The following TRPV5 variants were observed in gnomAD, a reference collection of about 807,000 sequenced individuals.
The protein encoded by TRPV5 is calcium transport protein 2.
TRPV5 carries 66 observed loss-of-function variants against 74.1 expected under a neutral mutation model. The observed-to-expected ratio is 0.89, with a 90% CI of 0.73 to 1.09. The LOEUF (loss-of-function observed/expected upper bound fraction) is 1.09, where lower values mean the gene tolerates loss of function less well. Ranked by LOEUF, TRPV5 falls within the 50% of genes least tolerant of loss-of-function variation. TRPV5 has a pLI of 0.00. For missense variants in TRPV5, 936 were observed against 930.4 expected, an observed-to-expected ratio of 1.01 and a Z score of -0.08; for synonymous variants, 399 against 360.7, an observed-to-expected ratio of 1.11 and a Z score of -1.20.
Position 142,915,288 on chromosome 7 carries a change from G to T in TRPV5, c.1286+19C>A. On this transcript the variant is annotated intron_variant, in intron 10 of 14. Transcript: ENST00000265310. The stretch of plus-strand genomic sequence containing the variant: ...TTCTGGTAAGGAAAGGCAGGGGGCT[G>T]GAATGAGGGGATACTCACATGATGA... 6.2e-7 allele frequency: 1 copy of T among 1,608,550 alleles called. No homozygotes were observed. Among genetic ancestry groups the T allele is most frequent in the South Asian group, 1.1e-5 (1 of 90,304 alleles).
chr7:142,911,850 G>C (rs1053860604), intron 13 of TRPV5, among the ~76,000 whole-genome samples: 3 of 152,188 alleles, frequency 2.0e-5, no homozygotes, highest in Non-Finnish European at 4.4e-5. Flanking sequence ...GAGAGGGAAA[G>C]ACTGGCGCCA....
chr7:142,914,915 T>G lies in TRPV5; in HGVS notation c.1418A>C (p.Gln473Pro). 6.2e-7 allele frequency: 1 copy of G among 1,614,092 alleles called. No individual in the cohort carries two copies. The highest frequency in any genetic ancestry group is 8.5e-7 in the Non-Finnish European group (1 of 1,180,032). The change falls in exon 11 of 15, where the codon CAG (glutamine) becomes CCG (proline). Residue 473 changes from glutamine to proline, a missense_variant. By Grantham distance (76) the Gln-to-Pro change is moderately conservative. Coordinates refer to ENST00000265310, the MANE Select transcript of TRPV5 (RefSeq NM_019841.7). ...CSVMYFTRGF[Q>P]MLGPFTIMIQ... ...CATGATGGTGAAGGGACCCAGCATC[T>G]GGAATCCTCGAGTGAAATACATGAC...
At chr7:142,908,902 G>A (rs1795661262) in intron 14 of TRPV5, 94 bp from the exon 15 acceptor site, 4 of 1,303,558 alleles carry the variant, frequency 3.1e-6, no homozygotes, top group Non-Finnish European at 4.2e-6. Context: ...GGGTCAAGAG[G>A]GAAGCAGAAA....
chr7:142,921,364 C>T (rs975274765), intron 8 of TRPV5, among the ~76,000 whole-genome samples: 1 of 152,176 alleles, frequency 6.6e-6, no homozygotes, highest in Non-Finnish European at 1.5e-5. Context: ...TCACTGCAAC[C>T]TCTGACTCCC....
intron 14 of TRPV5, 36 bp from the exon 15 acceptor site, chr7:142,908,844 T>C (rs921857531): frequency 6.3e-7 from 1 of 1,585,618 alleles, no homozygotes; most frequent in African/African-American, 1.3e-5. Flanking sequence ...TCAATCCAGG[T>C]GGGGAGACAT....
intron 12 of TRPV5, among the ~76,000 whole-genome samples, chr7:142,913,179 A>G (rs889838326): frequency 6.6e-6 from 1 of 152,242 alleles, no homozygotes; most frequent in Non-Finnish European, 1.5e-5. Flanking sequence ...TGAACAGGCT[A>G]AAAGAAGAGC....
intron 7 of TRPV5, among the ~76,000 whole-genome samples, chr7:142,927,452 G>C (rs1796007100): frequency 6.6e-6 from 1 of 152,122 alleles, no homozygotes; most frequent in South Asian, 2.1e-4. Flanking sequence ...CCTGGCACAG[G>C]GTAATTTATA....
At position 142,924,343 on chromosome 7, in the gene TRPV5, T is replaced by TGTATATATATAC. The variant is rs1795942204; in HGVS notation, c.1122+1185_1122+1186insGTATATATATAC. Among the ~76,000 whole-genome samples the TGTATATATATAC allele has an allele frequency of 2.4e-3, 29 of 12,204 alleles. 5 individuals are homozygous for TGTATATATATAC. The highest frequency in any genetic ancestry group is 4.0e-3 in the African/African-American group (29 of 7,188). 8.0% of individuals were successfully genotyped at this position (12,204 alleles called of 152,430 possible). A position where few individuals can be genotyped will look rare whatever the true frequency, so the allele number is the denominator to read the frequency against. ...ATATACATGTATATATATACATATA[T>TGTATATATATAC]ATATATATAGACATATACATGTATA... On this transcript the variant is annotated intron_variant, in intron 8 of 14. Transcript: ENST00000265310.
chr7:142,930,923 G>A (rs1244560593), intron 1 of TRPV5, among the ~76,000 whole-genome samples: 1 of 152,054 alleles, frequency 6.6e-6, no homozygotes, highest in Non-Finnish European at 1.5e-5. Flanking sequence ...AAACACAGAG[G>A]GAGGAGGAAT....
At chr7:142,925,415 G>T in intron 8 of TRPV5, 114 bp downstream of exon 8, 1 of 1,085,082 alleles carries the variant, frequency 9.2e-7, no homozygotes, top group Non-Finnish European at 1.4e-6. Context: ...GTGTTTAGGA[G>T]CCTACACCTG....
chr7:142,931,385 CTT>C, intron 1 of TRPV5, among the ~76,000 whole-genome samples: 1 of 152,014 alleles, frequency 6.6e-6, no homozygotes, highest in African/African-American at 2.4e-5. Context: ...GTGCCTCTTT[CTT>C]CTGCATTATA....
In TRPV5 at chr7:142,932,115, C is replaced by T. The variant is rs4252384; in HGVS notation, c.128+1217G>A. On this transcript the variant is annotated intron_variant, in intron 1 of 14. Transcript: ENST00000265310. ...GTGAGGAGTCAGTTCCCTGCCCCGTCTCACCCAGGGAATCAGTCCCAGGGA... is the reference window on the plus strand; with the variant it reads ...GTGAGGAGTCAGTTCCCTGCCCCGTTTCACCCAGGGAATCAGTCCCAGGGA... Among the ~76,000 whole-genome samples the T allele has an allele frequency of 4.2e-3, 635 of 152,322 alleles. 1 individual carries two copies. The highest frequency in any genetic ancestry group is 6.5e-3 in the Non-Finnish European group (443 of 68,016).
intron 13 of TRPV5, among the ~76,000 whole-genome samples, chr7:142,910,486 A>G (rs1182910501): frequency 6.6e-6 from 1 of 152,226 alleles, no homozygotes; most frequent in Non-Finnish European, 1.5e-5. Flanking sequence ...ACTGGGGACT[A>G]TTCTAGTTTC....
chr7:142,927,109 A>T (rs1796002577), intron 7 of TRPV5, among the ~76,000 whole-genome samples: 1 of 151,756 alleles, frequency 6.6e-6, no homozygotes, highest in Admixed American at 6.6e-5. Context: ...CTCTCTAAAA[A>T]GCTCTTTTTT....
Position 142,933,578 on chromosome 7 carries a change from C to T in TRPV5, c.-119G>A. The T allele has an allele frequency of 7.3e-7, 1 of 1,376,908 alleles. No individual in the cohort carries two copies. The highest frequency in any genetic ancestry group is 9.9e-7 in the Non-Finnish European group (1 of 1,006,222). 85.3% of individuals were successfully genotyped at this position (1,376,908 alleles called of 1,614,324 possible). A position where few individuals can be genotyped will look rare whatever the true frequency, so the allele number is the denominator to read the frequency against. The stretch of plus-strand genomic sequence containing the variant: ...GGGGCTGGGACTCTGAGTTTATCTC[C>T]TGTATGACTTGTGTATGCAGCATGC... On this transcript the variant is annotated 5_prime_UTR_variant, in exon 1 of 15. Transcript: ENST00000265310.
At position 142,928,154 on chromosome 7, in the gene TRPV5, C is replaced by T. The variant is rs4252418; in HGVS notation, c.843G>A (p.Thr281=). The T allele has an allele frequency of 0.88, 1,425,884 of 1,613,964 alleles. 640,251 individuals carry two copies. Among genetic ancestry groups the T allele is most frequent in the East Asian group, 0.97 (43,637 of 44,868 alleles). ...GPLTSILYDL[T]EIDSWGEELS... The stretch of plus-strand genomic sequence containing the variant: ...GCTCCTCTCCCCAGGAGTCGATCTC[C>T]GTGAGGTCGTAGAGAATGGAGGTCA... The change falls in exon 7 of 15, where the codon ACG becomes ACA. Residue 281 remains threonine (T), a synonymous_variant. Transcript: ENST00000265310.
chr7:142,909,769 C>G (rs2116571874), intron 13 of TRPV5, among the ~76,000 whole-genome samples, 173 bp from the exon 14 acceptor site: 1 of 152,330 alleles, frequency 6.6e-6, no homozygotes, highest in Middle Eastern at 3.4e-3. Flanking sequence ...ACCATGCAAC[C>G]AGCTTCACTC....
At chr7:142,913,797 G>A (rs4252494) in intron 12 of TRPV5, among the ~76,000 whole-genome samples, 23 of 152,176 alleles carry the variant, frequency 1.5e-4, no homozygotes, top group African/African-American at 5.6e-4. Flanking sequence ...TAGAGATGGG[G>A]GGATCCTTCT....
Position 142,908,590 on chromosome 7 carries a change from C to T in TRPV5, c.2114G>A (p.Arg705His), listed in dbSNP as rs766349018. ...SSSHRGWEILRQNTLGHLNLG... is the reference protein window; with the variant it reads ...SSSHRGWEILHQNTLGHLNLG... ...ATTCAAGTGCCCCAGGGTGTTTTGA[C>T]GAAGGATCTCCCAGCCTCGGTGACT... The change falls in exon 15 of 15, where the codon CGT becomes CAT. Residue 705 changes from arginine (R) to histidine (H), a missense_variant. Arg to His is a conservative substitution (Grantham distance 29, BLOSUM62 0). Transcript: ENST00000265310. 27 of 1,614,074 alleles carry T rather than the reference C, an allele frequency of 1.7e-5. No individual in the cohort carries two copies. Among genetic ancestry groups the T allele is most frequent in the Middle Eastern group, 1.6e-4 (1 of 6,084 alleles).
Sources: allele counts gnomAD v4.1 joint callset (sites outside exome capture counted in the v4.1 genomes callset), GRCh38; gene constraint gnomAD v4.1.1; transcripts MANE v1.5; gene names NCBI Gene and HGNC (gene_info 2026-07-23, HGNC 2026-07-21).